The following PATJ variants were observed in gnomAD, a reference collection of about 807,000 sequenced individuals.
PATJ encodes inaD-like protein.
Under a neutral mutation model 224.9 loss-of-function variants are expected in PATJ, and 190 were observed. The ratio of observed to expected loss-of-function variants is 0.84; its 90% CI spans 0.75 to 0.95. The LOEUF (loss-of-function observed/expected upper bound fraction) is 0.95, where lower values mean the gene tolerates loss of function less well. Among genes scored for constraint, PATJ ranks in the 40% least tolerant of loss-of-function variants. The pLI is 0.00. For missense variants in PATJ, 2,121 were observed against 2,270.3 expected, an observed-to-expected ratio of 0.93 and a Z score of 1.34; for synonymous variants, 769 against 820.3, an observed-to-expected ratio of 0.94 and a Z score of 1.07.
chr1:61,946,402 A>G (rs531553992), intron 27 of PATJ, among the ~76,000 whole-genome samples: 1 of 152,348 alleles, frequency 6.6e-6, no homozygotes, highest in East Asian at 1.9e-4. Flanking sequence ...CCAATCCCAC[A>G]GAAATAGAAA....
chr1:61,878,647 C>G (rs1667666624), intron 21 of PATJ, among the ~76,000 whole-genome samples: 1 of 150,612 alleles, frequency 6.6e-6, no homozygotes, highest in Non-Finnish European at 1.5e-5. Flanking sequence ...AGTTCGAGAC[C>G]AGCCTGGGCA....
intron 13 of PATJ, among the ~76,000 whole-genome samples, chr1:61,806,205 C>T (rs1021886272): frequency 6.6e-6 from 1 of 152,200 alleles, no homozygotes; most frequent in Non-Finnish European, 1.5e-5. Flanking sequence ...TTTCTACTCT[C>T]ATTCACATTT....
chr1:61,995,505 T>G (rs1645300215), intron 28 of PATJ, among the ~76,000 whole-genome samples: 1 of 152,186 alleles, frequency 6.6e-6, no homozygotes, highest in African/African-American at 2.4e-5. Context: ...AGCTTCTCTT[T>G]GAGAGCCCTG....
chr1:61,884,407 T>A lies in PATJ; in HGVS notation c.3130T>A (p.Cys1044Ser). The A allele has an allele frequency of 1.3e-6, 2 of 1,532,822 alleles. No homozygotes were observed. Among genetic ancestry groups the A allele is most frequent in the Non-Finnish European group, 1.8e-6 (2 of 1,136,896 alleles). The allele number at this position is 1,532,822 out of a possible 1,614,324, so 95.0% of individuals were successfully genotyped here. The change falls in exon 22 of 44, where the codon TGT becomes AGT. Residue 1044 changes from cysteine (C) to serine (S), a missense_variant and splice_region_variant. Cys to Ser is a moderately radical substitution (Grantham distance 112). Coordinates refer to ENST00000642238, the MANE Select transcript of PATJ (RefSeq NM_001350145.3). The stretch of plus-strand genomic sequence containing the variant: ...GTCTTCTAGATATGCCACTGATACA[T>A]GGTATGATATCATTTCTCTTTGTTT... ...MLSSRYATDTCELPEREEGEG... is the reference protein window; with the variant it reads ...MLSSRYATDTSELPEREEGEG...
chr1:62,134,626 T>C (rs1570748249), intron 41 of PATJ, among the ~76,000 whole-genome samples: 1 of 152,234 alleles, frequency 6.6e-6, no homozygotes, highest in East Asian at 1.9e-4. Context: ...ATTACTGGTG[T>C]GAGCCACCAC....
chr1:62,075,639 C>A (rs1658157004), intron 31 of PATJ, among the ~76,000 whole-genome samples: 1 of 152,114 alleles, frequency 6.6e-6, no homozygotes, highest in South Asian at 2.1e-4. Context: ...CTGACAAGGG[C>A]CGGGCGCAGT....
At chr1:62,147,842 A>C (rs1668207428) in intron 41 of PATJ, among the ~76,000 whole-genome samples, 2 of 151,310 alleles carry the variant, frequency 1.3e-5, no homozygotes, top group South Asian at 4.2e-4. Context: ...GGGTGCCTGT[A>C]ATCCCAGTTA....
chr1:61,914,437 CAA>C (rs1314882863), intron 25 of PATJ, 148 bp from the exon 26 acceptor site: 6 of 426,990 alleles, frequency 1.4e-5, no homozygotes, highest in African/African-American at 6.1e-5. Flanking sequence ...GCCTGGGTGA[CAA>C]GAGCGAATCT....
intron 43 of PATJ, among the ~76,000 whole-genome samples, chr1:62,154,664 G>A (rs370442967): frequency 8.1e-4 from 93 of 114,112 alleles, no homozygotes; most frequent in East Asian, 3.1e-3. Context: ...AAAAAAAAAA[G>A]AAAAGAGAGA....
At chr1:61,745,922 A>C (rs1459564317) in intron 1 of PATJ, among the ~76,000 whole-genome samples, 2 of 150,264 alleles carry the variant, frequency 1.3e-5, no homozygotes, top group Non-Finnish European at 3.0e-5. Flanking sequence ...TTTTTTTAAA[A>C]ATTTTTATTC....
At chr1:62,146,266 G>A (rs1330405376) in intron 41 of PATJ, among the ~76,000 whole-genome samples, 2 of 152,096 alleles carry the variant, frequency 1.3e-5, no homozygotes, top group Non-Finnish European at 1.5e-5. Context: ...TTAGGGGAGA[G>A]GCAGAGATGT....
intron 22 of PATJ, among the ~76,000 whole-genome samples, chr1:61,894,580 T>C (rs1391757511): frequency 6.6e-6 from 1 of 152,184 alleles, no homozygotes; most frequent in Admixed American, 6.5e-5. Flanking sequence ...GTGCCTTGCT[T>C]CCCCTTTGCC....
intron 41 of PATJ, among the ~76,000 whole-genome samples, chr1:62,142,373 C>G (rs755550412): frequency 1.4e-4 from 21 of 151,994 alleles, no homozygotes; most frequent in Admixed American, 1.4e-3. Context: ...TTTAAGAACC[C>G]AACACCTATC....
At chr1:61,861,913 G>A (rs904704897) in intron 19 of PATJ, among the ~76,000 whole-genome samples, 12 of 152,170 alleles carry the variant, frequency 7.9e-5, no homozygotes, top group African/African-American at 2.4e-4. Flanking sequence ...CCAGGCTGGA[G>A]TGCAGTGGTG....
intron 3 of PATJ, among the ~76,000 whole-genome samples, chr1:61,765,030 G>T (rs546866529): frequency 8.0e-5 from 7 of 87,748 alleles, no homozygotes; most frequent in East Asian, 6.5e-4. Context: ...GTAGCCAGGG[G>T]TTTTTTATTT....
At chr1:61,920,619 A>AT (rs1674154559) in intron 26 of PATJ, among the ~76,000 whole-genome samples, 1 of 150,794 alleles carries the variant, frequency 6.6e-6, no homozygotes, top group Non-Finnish European at 1.5e-5. Flanking sequence ...TTTGCCTGGC[A>AT]TGTTGGGTTG....
intron 27 of PATJ, among the ~76,000 whole-genome samples, chr1:61,946,094 A>C (rs1241041692): frequency 6.6e-6 from 1 of 152,212 alleles, no homozygotes; most frequent in African/African-American, 2.4e-5. Flanking sequence ...TATAGCACTA[A>C]ATGCCCACAA....
In PATJ at chr1:62,086,259, T is replaced by TG. The variant is rs1659968674; in HGVS notation, c.4377+1611_4377+1612insG. The stretch of plus-strand genomic sequence containing the variant: ...GTGTGTGTGTATGTGTGTGTGTGTG[T>TG]TTAATACCTGCATATTATACAAAGT... On this transcript the variant is annotated intron_variant, in intron 33 of 43. Coordinates refer to ENST00000642238, the MANE Select transcript of PATJ (RefSeq NM_001350145.3). The surrounding 1 kb of genome is among the most constrained non-coding windows in gnomAD (Gnocchi z 4.0). Among the ~76,000 whole-genome samples the TG allele has an allele frequency of 6.6e-6, 1 of 152,086 alleles. No homozygotes were observed. Among genetic ancestry groups the TG allele is most frequent in the Non-Finnish European group, 1.5e-5 (1 of 68,014 alleles).
chr1:62,143,431 G>T, intron 41 of PATJ, among the ~76,000 whole-genome samples: 1 of 144,452 alleles, frequency 6.9e-6, no homozygotes, highest in African/African-American at 2.6e-5. Flanking sequence ...CACAGACTAA[G>T]CTGGGAATTT....
Sources: gnomAD v4.1 joint callset for allele counts (sites outside exome capture counted in the v4.1 genomes callset) on GRCh38, gnomAD v4.1.1 for gene constraint, Gnocchi (gnomAD v3.1) non-coding constraint, MANE v1.5 for transcripts, NCBI Gene and HGNC (gene_info 2026-07-23, HGNC 2026-07-21) for gene names.